Variants in COL22A1 observed in about 807,000 individuals in gnomAD.
COL22A1 encodes the protein collagen type XXII alpha 1 chain.
Under a neutral mutation model 248.9 loss-of-function variants are expected in COL22A1, and 221 were observed. The ratio of observed to expected loss-of-function variants is 0.89; its 90% CI spans 0.80 to 0.99. The LOEUF (loss-of-function observed/expected upper bound fraction) is 0.99, where lower values mean the gene tolerates loss of function less well. Among genes scored for constraint, COL22A1 ranks in the 50% least tolerant of loss-of-function variants. COL22A1 has a pLI of 0.00. For synonymous variants in COL22A1, 891 were observed against 793.4 expected, an observed-to-expected ratio of 1.12 and a Z score of -2.07; for missense variants, 2,240 against 2,179.0, an observed-to-expected ratio of 1.03 and a Z score of -0.56.
At chr8:138,845,484 C>T (rs1281002294) in intron 3 of COL22A1, among the ~76,000 whole-genome samples, 1 of 151,848 alleles carries the variant, frequency 6.6e-6, no homozygotes, top group African/African-American at 2.4e-5. Context: ...CACTGCATGA[C>T]AGCCTGGGTG....
chr8:138,731,658 G>T (rs1464073078), intron 23 of COL22A1, among the ~76,000 whole-genome samples: 1 of 151,836 alleles, frequency 6.6e-6, no homozygotes, highest in Non-Finnish European at 1.5e-5. Flanking sequence ...GAGAGAGAGA[G>T]AGAGAGTGAG....
At chr8:138,896,657 C>A (rs1278514289) in intron 1 of COL22A1, among the ~76,000 whole-genome samples, 1 of 152,104 alleles carries the variant, frequency 6.6e-6, no homozygotes, top group African/African-American at 2.4e-5. Flanking sequence ...CAATATAGAG[C>A]AAAGTGCACG....
chr8:138,749,018 G>T (rs1397855423), intron 22 of COL22A1, among the ~76,000 whole-genome samples: 1 of 152,104 alleles, frequency 6.6e-6, no homozygotes, highest in Non-Finnish European at 1.5e-5. Flanking sequence ...AGATTTCATG[G>T]TTTTACAAGG....
intron 1 of COL22A1, among the ~76,000 whole-genome samples, chr8:138,898,237 C>G (rs935086795): frequency 6.6e-6 from 1 of 152,110 alleles, no homozygotes; most frequent in African/African-American, 2.4e-5. Flanking sequence ...TCTGGGTGTA[C>G]GTAATAAAAC....
intron 3 of COL22A1, 141 bp downstream of exon 3, chr8:138,877,609 C>T (rs549053870): frequency 1.0e-5 from 8 of 786,870 alleles, no homozygotes; most frequent in Non-Finnish European, 1.5e-5. Flanking sequence ...GAATGTGGGT[C>T]CCCTCAGCCT....
At chr8:138,779,467 C>T (rs780866068) in intron 14 of COL22A1, 42 bp downstream of exon 14, 3 of 1,484,810 alleles carry the variant, frequency 2.0e-6, no homozygotes, top group South Asian at 1.1e-5. Context: ...GGGCCTTGTC[C>T]CCTGGGAGCA....
chr8:138,690,217 C>T (rs1044674531), intron 36 of COL22A1, among the ~76,000 whole-genome samples: 6 of 152,092 alleles, frequency 3.9e-5, no homozygotes, highest in African/African-American at 9.7e-5. Flanking sequence ...GCTTTGTTGC[C>T]CTTGACTAGA....
At chr8:138,767,824 G>T (rs796578885) in intron 16 of COL22A1, among the ~76,000 whole-genome samples, 3 of 152,212 alleles carry the variant, frequency 2.0e-5, no homozygotes, top group East Asian at 3.9e-4. Context: ...GCAGAAAACC[G>T]CCGGCTGCCC....
At chr8:138,723,045 C>T (rs1438522325) in intron 25 of COL22A1, among the ~76,000 whole-genome samples, 1 of 147,666 alleles carries the variant, frequency 6.8e-6, no homozygotes, top group East Asian at 2.0e-4. Context: ...GCACACGTAC[C>T]CTGGAACTTA....
At chr8:138,910,020 C>T (rs1815335146) in intron 1 of COL22A1, among the ~76,000 whole-genome samples, 1 of 152,190 alleles carries the variant, frequency 6.6e-6, no homozygotes, top group African/African-American at 2.4e-5. Context: ...GACTGGTTCA[C>T]CTATCTTGGT....
chr8:138,831,290 A>C (rs1249682234), intron 5 of COL22A1, among the ~76,000 whole-genome samples: 1 of 151,858 alleles, frequency 6.6e-6, no homozygotes, highest in African/African-American at 2.4e-5. Context: ...GAACATTTTC[A>C]CTCCTTACGG....
At chr8:138,726,020 T>C (rs561141453) in intron 23 of COL22A1, among the ~76,000 whole-genome samples, 1 of 152,330 alleles carries the variant, frequency 6.6e-6, no homozygotes, top group Non-Finnish European at 1.5e-5. Flanking sequence ...GCTTGACAGA[T>C]GTAGATTCTT....
At position 138,877,352 on chromosome 8, in the gene COL22A1, C is replaced by T. The variant is rs566000000; in HGVS notation, c.658+398G>A. Reference sequence around the variant, plus strand: ...ACCCAATGCTTCAGGCCAGACTTTGCATGCACAGTTTCTAGCTTTCACAGC... The same window carrying T: ...ACCCAATGCTTCAGGCCAGACTTTGTATGCACAGTTTCTAGCTTTCACAGC... On this transcript the variant is annotated intron_variant, in intron 3 of 64. Transcript: ENST00000303045. Among the ~76,000 whole-genome samples, 19 of 152,306 alleles carry T rather than the reference C, an allele frequency of 1.2e-4. No homozygotes were observed. The East Asian group carries it at 3.7e-3, about 29-fold the overall frequency.
intron 27 of COL22A1, among the ~76,000 whole-genome samples, chr8:138,718,351 A>C (rs1829604703): frequency 6.6e-6 from 1 of 152,202 alleles, no homozygotes; most frequent in South Asian, 2.1e-4. Context: ...ATAGTAGCAC[A>C]TTTGCAGTGG....
In COL22A1 at chr8:138,719,094, T is replaced by C. The variant is rs138813054; in HGVS notation, c.2355+1645A>G. Among the ~76,000 whole-genome samples, 3 of 152,244 alleles carry C rather than the reference T, an allele frequency of 2.0e-5. No individual in the cohort carries two copies. In the East Asian group the frequency reaches 5.8e-4, roughly 29 times the overall value. The stretch of plus-strand genomic sequence containing the variant: ...GGTATGGTTGACTCCATGAAATTCG[T>C]GAAGTCAAGAACAGCAAACCTAGAT... On this transcript the variant is annotated intron_variant, in intron 27 of 64. Coordinates refer to ENST00000303045, the MANE Select transcript of COL22A1 (RefSeq NM_152888.3).
At chr8:138,772,291 T>A (rs1834434906) in intron 16 of COL22A1, among the ~76,000 whole-genome samples, 1 of 152,102 alleles carries the variant, frequency 6.6e-6, no homozygotes, top group African/African-American at 2.4e-5. Flanking sequence ...CAGAGGTGAA[T>A]AAGGTGCGTT....
intron 3 of COL22A1, among the ~76,000 whole-genome samples, chr8:138,860,878 T>C (rs1822405313): frequency 6.6e-6 from 1 of 152,180 alleles, no homozygotes; most frequent in African/African-American, 2.4e-5. Context: ...CCCCAAACTT[T>C]AAGTGCCATG....
chr8:138,828,054 T>A (rs1254174287), intron 5 of COL22A1: 1 of 151,444 alleles, frequency 6.6e-6, no homozygotes, highest in Non-Finnish European at 1.5e-5. Flanking sequence ...CAGCTCTCCA[T>A]CCTCCCCATG....
chr8:138,806,258 GTGA>G (rs1239284419), intron 10 of COL22A1, among the ~76,000 whole-genome samples: 1 of 149,480 alleles, frequency 6.7e-6, no homozygotes, highest in Non-Finnish European at 1.5e-5. Context: ...GTATATATGT[GTGA>G]TGGTGTGTGT....
Sources: gnomAD v4.1 joint callset for allele counts (sites outside exome capture counted in the v4.1 genomes callset) on GRCh38, gnomAD v4.1.1 for gene constraint, MANE v1.5 for transcripts, NCBI Gene and HGNC (gene_info 2026-07-23, HGNC 2026-07-21) for gene names.